The following TTC22 variants were observed in gnomAD, a reference collection of about 807,000 sequenced individuals.
TTC22 encodes tetratricopeptide repeat domain 22, also known as tetratricopeptide repeat protein 22.
A neutral mutation model predicts 48.2 loss-of-function variants in TTC22; 42 were observed. That is an observed-to-expected ratio of 0.87 (90% confidence interval 0.68 to 1.13). The LOEUF (loss-of-function observed/expected upper bound fraction) is 1.13, where lower values mean the gene tolerates loss of function less well. TTC22 is among the 50% of genes most tolerant of loss of function. The pLI is 0.00. For missense variants in TTC22, 784 were observed against 807.0 expected (o/e 0.97, Z 0.34); for synonymous variants, 345 against 365.5 (o/e 0.94, Z 0.64).
chr1:54,787,584 G>T, intron 3 of TTC22, 127 bp downstream of exon 3: 1 of 719,224 alleles, frequency 1.4e-6, no homozygotes, highest in Non-Finnish European at 2.4e-6. Context: ...GATGAGTGTA[G>T]GGGACAGAGC....
In TTC22 at chr1:54,786,428, T is replaced by G. The variant is rs1214595495; in HGVS notation, c.859-284A>C. ...TCCAGAGCCCAGTCAGACCCCTCCT[T>G]CCCAGTGTATGCTCTCCCATCTTCC... On this transcript the variant is annotated intron_variant, in intron 4 of 6. Coordinates refer to ENST00000371276, the MANE Select transcript of TTC22 (RefSeq NM_001114108.2). 3.3e-5 allele frequency: 12 copies of G among 366,630 alleles called. No individual in the cohort carries two copies. The East Asian group carries it at 6.6e-4, about 20-fold the overall frequency. 22.7% of individuals were successfully genotyped at this position (366,630 alleles called of 1,614,324 possible).
intron 1 of TTC22, 143 bp downstream of exon 1, chr1:54,800,454 A>G (rs914591061): frequency 4.2e-6 from 3 of 709,292 alleles, no homozygotes; most frequent in African/African-American, 1.9e-5. Flanking sequence ...CAGGCGGGGG[A>G]TGCACATTGG....
At chr1:54,785,780 T>C (rs1342882602) in intron 5 of TTC22, 1 of 561,898 alleles carries the variant, frequency 1.8e-6, no homozygotes, top group African/African-American at 1.9e-5. Context: ...ACCACCATAC[T>C]CCAGTTGGGT....
At chr1:54,790,129 C>T (rs973679074) in intron 1 of TTC22, among the ~76,000 whole-genome samples, 2 of 152,174 alleles carry the variant, frequency 1.3e-5, no homozygotes, top group African/African-American at 4.8e-5. Context: ...ACTCCCAGCA[C>T]TTTGGGAAGG....
intron 1 of TTC22, among the ~76,000 whole-genome samples, chr1:54,797,436 G>A (rs976296534): frequency 6.6e-6 from 1 of 152,196 alleles, no homozygotes; most frequent in African/African-American, 2.4e-5. Context: ...ATCACCTGAG[G>A]TCAGGAGTTC....
chr1:54,781,305 T>C lies in TTC22; in HGVS notation c.1648A>G (p.Thr550Ala), dbSNP rs1646259786. Residue 550 changes from threonine (T) to alanine (A), a missense_variant, in exon 7 of 7, where the codon ACC becomes GCC. By Grantham distance (58) the Thr-to-Ala change is moderately conservative. Transcript: ENST00000371276. ...RPALVRLLFE[T>A]MEREGEGASA... ...GCGCCCTCGCCCTCGCGCTCCATGG[T>C]CTCGAAGAGCAGCCGCACCAGCGCC... is the stretch of plus-strand genomic sequence containing the variant. 3 of 1,468,168 alleles carry C rather than the reference T, an allele frequency of 2.0e-6. No homozygotes were observed. In the South Asian group the frequency reaches 3.9e-5, roughly 19 times the overall value. The allele number at this position is 1,468,168 out of a possible 1,614,324, so 90.9% of individuals were successfully genotyped here.
chr1:54,797,321 G>A (rs1294153921), intron 1 of TTC22, among the ~76,000 whole-genome samples: 2 of 152,180 alleles, frequency 1.3e-5, no homozygotes, highest in African/African-American at 2.4e-5. Context: ...GGGAGGAGGA[G>A]GGGAGTGATC....
chr1:54,785,192 G>A (rs976010792), intron 5 of TTC22: 1 of 200,034 alleles, frequency 5.0e-6, no homozygotes, highest in African/African-American at 2.4e-5. Flanking sequence ...CAGAGCCAGA[G>A]CTCTGATCCA....
intron 6 of TTC22, 118 bp from the exon 7 acceptor site, chr1:54,781,897 A>C: frequency 2.2e-6 from 2 of 907,034 alleles, no homozygotes; most frequent in Non-Finnish European, 3.1e-6. Context: ...CCCTCTCTCC[A>C]TCGACAATTA....
chr1:54,787,408 C>A (rs1646312779), intron 3 of TTC22: 3 of 565,604 alleles, frequency 5.3e-6, no homozygotes, highest in Non-Finnish European at 9.4e-6. Context: ...TGACTCGACT[C>A]CTCTCCAACA....
intron 1 of TTC22, among the ~76,000 whole-genome samples, chr1:54,791,042 T>G (rs1343819120): frequency 6.6e-6 from 1 of 152,158 alleles, no homozygotes; most frequent in Non-Finnish European, 1.5e-5. Flanking sequence ...GTATTTTTAG[T>G]AGAGATGGGG....
In TTC22 at chr1:54,781,545, C is replaced by T. The variant is rs1291066236; in HGVS notation, c.1408G>A (p.Asp470Asn). 1.3e-6 allele frequency: 2 copies of T among 1,517,214 alleles called. No individual in the cohort carries two copies. The highest frequency in any genetic ancestry group is 1.9e-4 in the Middle Eastern group (1 of 5,184). The allele number at this position is 1,517,214 out of a possible 1,614,324, so 94.0% of individuals were successfully genotyped here. Residue 470 changes from aspartate (D) to asparagine (N), a missense_variant, in exon 7 of 7, where the codon GAC (aspartate) becomes AAC (asparagine). Asp to Asn is a conservative substitution (Grantham distance 23, BLOSUM62 1). Coordinates refer to ENST00000371276, the MANE Select transcript of TTC22 (RefSeq NM_001114108.2). ...GCCTCGAGCAGGCAGCCGAAGCCGT[C>T]GGTGTGGCTGGAGCCCGCGTCGTCC... ...ELDDAGSSHT[D>N]GFGCLLEALL...
intron 3 of TTC22, chr1:54,787,351 T>A (rs1646312190): frequency 1.8e-6 from 1 of 556,530 alleles, no homozygotes; most frequent in Non-Finnish European, 3.2e-6. Flanking sequence ...TCTCACCAGC[T>A]CTGGTGGTTC....
chr1:54,789,943 C>T lies in TTC22; in HGVS notation c.568-1846G>A, dbSNP rs183153284. 1.5e-3 allele frequency among the ~76,000 whole-genome samples: 228 copies of T among 152,324 alleles called. No homozygotes were observed. The Middle Eastern group carries it at 0.031, about 20-fold the overall frequency. On this transcript the variant is annotated intron_variant, in intron 1 of 6. Coordinates refer to ENST00000371276, the MANE Select transcript of TTC22 (RefSeq NM_001114108.2). ...AGCGAGCAAGGCATGCTGGGGTCTG[C>T]ATGCAGCCAGAGGGCTGGAACCCTG...
intron 1 of TTC22, among the ~76,000 whole-genome samples, chr1:54,798,562 C>T (rs1646409888): frequency 6.6e-6 from 1 of 152,210 alleles, no homozygotes; most frequent in South Asian, 2.1e-4. Flanking sequence ...CCTGTGTCCT[C>T]AGCCAGTGGT....
rs766703132 is a variant in TTC22 at position 54,781,743 on chromosome 1, G to C, written c.1210C>G (p.Leu404Val). ...AGCGCCGCCTCGTCCACCGCCAGCA[G>C]CTCCTGCACCGCGTCCACGCCCATA... The part of the protein sequence containing the change: ...YYMGVDAVQE[L>V]LAVDEAALNQ... Residue 404 changes from leucine to valine, a missense_variant, in exon 7 of 7, where the codon CTG (leucine) becomes GTG (valine). Coordinates refer to ENST00000371276, the MANE Select transcript of TTC22 (RefSeq NM_001114108.2). 3.5e-5 allele frequency: 52 copies of C among 1,506,080 alleles called. No homozygotes were observed. Among genetic ancestry groups the C allele is most frequent in the South Asian group, 3.1e-4 (25 of 80,292 alleles). 93.3% of individuals were successfully genotyped at this position (1,506,080 alleles called of 1,614,324 possible).
chr1:54,781,031 C>T lies in TTC22; in HGVS notation c.*212G>A, dbSNP rs547052627. The T allele has an allele frequency of 2.1e-4, 85 of 404,794 alleles. No homozygotes were observed. The highest frequency in any genetic ancestry group is 6.3e-4 in the Middle Eastern group (1 of 1,580). 25.1% of individuals were successfully genotyped at this position (404,794 alleles called of 1,614,324 possible). ...GTTTTCTCACCTCTGCTCCCAGCCTCTTCTGCTCTCGGGAATCAGGCCTTC... is the reference window on the plus strand; with the variant it reads ...GTTTTCTCACCTCTGCTCCCAGCCTTTTCTGCTCTCGGGAATCAGGCCTTC... On this transcript the variant is annotated 3_prime_UTR_variant, in exon 7 of 7. Transcript: ENST00000371276.
chr1:54,783,895 G>A (rs1376701450), intron 5 of TTC22, among the ~76,000 whole-genome samples: 2 of 152,218 alleles, frequency 1.3e-5, no homozygotes, highest in Non-Finnish European at 2.9e-5. Flanking sequence ...CCAGCTACTT[G>A]GGAGGCTGAG....
At chr1:54,789,361 C>T (rs1226181256) in intron 1 of TTC22, among the ~76,000 whole-genome samples, 2 of 152,176 alleles carry the variant, frequency 1.3e-5, no homozygotes, top group African/African-American at 2.4e-5. Flanking sequence ...GGAGGGCTCC[C>T]GTGAGCAGAG....
Sources: allele counts gnomAD v4.1 joint callset (sites outside exome capture counted in the v4.1 genomes callset), GRCh38; gene constraint gnomAD v4.1.1; transcripts MANE v1.5; gene names NCBI Gene and HGNC (gene_info 2026-07-23, HGNC 2026-07-21).